NSUN7: variants seen among roughly 807,000 people sequenced by gnomAD.
The protein encoded by NSUN7 is protein NSUN7.
Under a neutral mutation model 58.5 loss-of-function variants are expected in NSUN7, and 39 were observed. The ratio of observed to expected loss-of-function variants is 0.67; its 90% CI spans 0.52 to 0.87. NSUN7 has a LOEUF of 0.87. Ranked by LOEUF, NSUN7 falls within the 40% of genes least tolerant of loss-of-function variation. The probability of loss-of-function intolerance (pLI) is 0.00; values close to 1 mark genes in which losing one functional copy is unlikely to be tolerated. For missense variants in NSUN7, 765 were observed against 844.1 expected, an observed-to-expected ratio of 0.91 and a Z score of 1.16; for synonymous variants, 278 against 303.7, an observed-to-expected ratio of 0.92 and a Z score of 0.88.
intron 4 of NSUN7, among the ~76,000 whole-genome samples, chr4:40,771,976 A>G (rs1200715764): frequency 2.6e-5 from 4 of 151,982 alleles, no homozygotes; most frequent in African/African-American, 9.7e-5. Flanking sequence ...ACCACAAGAT[A>G]GCATACTTCA....
At chr4:40,780,754 TAC>T (rs796117262) in intron 7 of NSUN7, among the ~76,000 whole-genome samples, 2,728 of 104,240 alleles carry the variant, frequency 0.026, 58 homozygotes, top group Middle Eastern at 0.047. Context: ...AACATTGAAA[TAC>T]ACACACACAC....
rs145103783 is a variant in NSUN7 at position 40,790,740 on chromosome 4, A to G, written c.1175A>G (p.His392Arg). 381 of 1,573,816 alleles carry G rather than the reference A, an allele frequency of 2.4e-4. No homozygotes were observed. In the African/African-American group the frequency reaches 4.8e-3, roughly 20 times the overall value. The change falls in exon 8 of 12, where the codon CAT (histidine) becomes CGT (arginine). Residue 392 changes from histidine to arginine, a missense_variant. Coordinates refer to ENST00000381782, the MANE Select transcript of NSUN7 (RefSeq NM_024677.6). ...SNPVEFILNE[H>R]EDTEFLKDHS... The stretch of plus-strand genomic sequence containing the variant: ...CCAGTAGAATTTATTTTAAATGAAC[A>G]TGAAGGTACTTGTTTTAATTTCTAA...
chr4:40,755,802 A>G (rs2041816445), intron 2 of NSUN7, among the ~76,000 whole-genome samples: 1 of 152,222 alleles, frequency 6.6e-6, no homozygotes, highest in African/African-American at 2.4e-5. Flanking sequence ...AGCAACAAGT[A>G]AAGGTACATA....
At chr4:40,778,429 G>T (rs1742370822) in intron 7 of NSUN7, among the ~76,000 whole-genome samples, 1 of 152,194 alleles carries the variant, frequency 6.6e-6, no homozygotes, top group Non-Finnish European at 1.5e-5. Context: ...CGAAGTGATG[G>T]TATCAGGAGG....
intron 7 of NSUN7, among the ~76,000 whole-genome samples, chr4:40,788,683 C>T (rs111372234): frequency 9.8e-5 from 15 of 152,300 alleles, no homozygotes; most frequent in African/African-American, 2.6e-4. Context: ...CCTATGGTGG[C>T]TGTGTAGAAT....
rs111893475 is a variant in NSUN7 at position 40,761,065 on chromosome 4, G to A, written c.358-106G>A. ...CCAATCAGACTATGTAAAAATAGTC[G>A]TATTCCTGCTCTGTTATGAAAAATA... On this transcript the variant is annotated intron_variant, in intron 3 of 11. Coordinates refer to ENST00000381782, the MANE Select transcript of NSUN7 (RefSeq NM_024677.6). 94 of 851,968 alleles carry A rather than the reference G, an allele frequency of 1.1e-4. No individual in the cohort carries two copies. In the East Asian group the frequency reaches 1.2e-3, roughly 11 times the overall value. The allele number at this position is 851,968 out of a possible 1,614,324, so 52.8% of individuals were successfully genotyped here.
intron 4 of NSUN7, among the ~76,000 whole-genome samples, chr4:40,765,385 A>G (rs1205111216): frequency 1.2e-4 from 17 of 147,522 alleles, no homozygotes; most frequent in Middle Eastern, 6.9e-3. Flanking sequence ...AAGATCAGAT[A>G]GTTGTAGATA....
intron 10 of NSUN7, among the ~76,000 whole-genome samples, chr4:40,802,152 C>T (rs1340216585): frequency 1.3e-5 from 2 of 151,784 alleles, no homozygotes; most frequent in Non-Finnish European, 2.9e-5. Context: ...TATTTTTTCC[C>T]CAAATAATCT....
chr4:40,809,929 T>C lies in NSUN7; in HGVS notation c.*990T>C, dbSNP rs1261513565. On this transcript the variant is annotated 3_prime_UTR_variant, in exon 12 of 12. Coordinates refer to ENST00000381782, the MANE Select transcript of NSUN7 (RefSeq NM_024677.6). ...AATTGGTATGATTATCATTTCTGGG[T>C]CTACTGATTTTTCATCATGGCAACA... 6.6e-6 allele frequency: 1 copy of C among 152,200 alleles called. No homozygotes were observed. The highest frequency in any genetic ancestry group is 2.4e-5 in the African/African-American group (1 of 41,440). The allele number at this position is 152,200 out of a possible 1,614,324, so 9.4% of individuals were successfully genotyped here.
Position 40,776,061 on chromosome 4 carries a change from A to T in NSUN7, c.838A>T (p.Ser280Cys), listed in dbSNP as rs201957435. The T allele has an allele frequency of 4.2e-5, 67 of 1,598,994 alleles. No individual in the cohort carries two copies. In the East Asian group the frequency reaches 1.4e-3, roughly 34 times the overall value. The change falls in exon 7 of 12, where the codon AGT becomes TGT. Residue 280 changes from serine to cysteine, a missense_variant. Transcript: ENST00000381782. ...YKLIFQDKSR[S>C]LAVHSVKALL... The stretch of plus-strand genomic sequence containing the variant: ...CATTATCTTACAGGACAAATCTCGA[A>T]GTCTTGCTGTCCATTCTGTAAAGGC...
intron 2 of NSUN7, among the ~76,000 whole-genome samples, chr4:40,759,334 A>G (rs1741326229): frequency 6.6e-6 from 1 of 152,182 alleles, no homozygotes; most frequent in Admixed American, 6.5e-5. Context: ...TAAATAAAAT[A>G]AAGCATTTGT....
At chr4:40,765,561 T>C (rs1378466154) in intron 4 of NSUN7, among the ~76,000 whole-genome samples, 3 of 151,922 alleles carry the variant, frequency 2.0e-5, no homozygotes, top group East Asian at 1.9e-4. Flanking sequence ...CTTGGCGATG[T>C]GGGCTCTTTT....
chr4:40,785,496 A>G (rs1017674822), intron 7 of NSUN7, among the ~76,000 whole-genome samples: 1 of 152,086 alleles, frequency 6.6e-6, no homozygotes, highest in African/African-American at 2.4e-5. Flanking sequence ...AGTAGTTGGG[A>G]TTACAGGCAC....
chr4:40,768,270 C>T (rs572306156), intron 4 of NSUN7, among the ~76,000 whole-genome samples: 4 of 149,950 alleles, frequency 2.7e-5, no homozygotes, highest in African/African-American at 7.4e-5. Flanking sequence ...GGCACAATCT[C>T]GGCTCACTGC....
chr4:40,800,102 T>G (rs17513709), intron 10 of NSUN7, among the ~76,000 whole-genome samples: 20,382 of 152,250 alleles, frequency 0.13, 1,444 homozygotes, highest in Non-Finnish European at 0.16. Context: ...TACCAAGACA[T>G]TCACTCTTAT....
rs1744117875 is a variant in NSUN7, at chr4:40,810,059, T to G, written c.*1120T>G. ...TGAATTTAAAGTTTTATTTTTGCAA[T>G]TCAGTTGTATAGAAATGTTACATAA... On this transcript the variant is annotated 3_prime_UTR_variant, in exon 12 of 12. Coordinates refer to ENST00000381782, the MANE Select transcript of NSUN7 (RefSeq NM_024677.6). 6.6e-6 allele frequency: 1 copy of G among 152,202 alleles called. No homozygotes were observed. Among genetic ancestry groups the G allele is most frequent in the Admixed American group, 6.5e-5 (1 of 15,276 alleles). 9.4% of individuals were successfully genotyped at this position (152,202 alleles called of 1,614,324 possible).
intron 7 of NSUN7, among the ~76,000 whole-genome samples, chr4:40,787,869 T>C (rs1742904420): frequency 6.6e-6 from 1 of 152,224 alleles, no homozygotes; most frequent in Non-Finnish European, 1.5e-5. Flanking sequence ...TCTTGCTCTG[T>C]CGCCCAGACG....
chr4:40,792,541 G>A (rs920253798), intron 8 of NSUN7, among the ~76,000 whole-genome samples: 7 of 152,184 alleles, frequency 4.6e-5, no homozygotes, highest in African/African-American at 1.7e-4. Flanking sequence ...CACGAGGTCA[G>A]GAGCTCGAGA....
At chr4:40,759,682 T>C (rs1741352356) in intron 2 of NSUN7, among the ~76,000 whole-genome samples, 3 of 152,198 alleles carry the variant, frequency 2.0e-5, no homozygotes. Context: ...ACAAGGATAT[T>C]ACAAGAAAAG....
Sources: gnomAD v4.1 joint callset for allele counts (sites outside exome capture counted in the v4.1 genomes callset) on GRCh38, gnomAD v4.1.1 for gene constraint, MANE v1.5 for transcripts, NCBI Gene and HGNC (gene_info 2026-07-23, HGNC 2026-07-21) for gene names.